Variants in CEP63 observed in about 807,000 individuals in gnomAD.
CEP63 encodes centrosomal protein of 63 kDa.
Under a neutral mutation model 89.1 loss-of-function variants are expected in CEP63, and 84 were observed. That is an observed-to-expected ratio of 0.94 (90% CI 0.79 to 1.13). The LOEUF (loss-of-function observed/expected upper bound fraction) is 1.13, where lower values mean the gene tolerates loss of function less well. Ranked by LOEUF, CEP63 falls within the 50% of genes most tolerant of loss-of-function variation. The pLI is 0.00. For missense variants in CEP63, 838 were observed against 813.3 expected, an observed-to-expected ratio of 1.03 and a Z score of -0.37; for synonymous variants, 267 against 272.5, an observed-to-expected ratio of 0.98 and a Z score of 0.20.
At chr3:134,745,804 A>T in the CEP63 span, among the ~76,000 whole-genome samples, 1 of 150,200 alleles carries the variant, frequency 6.7e-6, no homozygotes. Context: ...TGTCCTTGTG[A>T]GTTTGCTCAG....
At chr3:134,650,924 C>A in the CEP63 span, 1 of 1,613,326 alleles carries the variant, frequency 6.2e-7, no homozygotes, top group East Asian at 2.2e-5. Context: ...AGCAGCATGT[C>A]GATAGATACA....
the CEP63 span, among the ~76,000 whole-genome samples, chr3:134,602,344 C>T: frequency 6.6e-6 from 1 of 152,156 alleles, no homozygotes; most frequent in East Asian, 1.9e-4. Flanking sequence ...GCAGCTGAGG[C>T]CTCTCAGTCT....
chr3:134,495,114 C>T (rs919791201), intron 1 of CEP63, among the ~76,000 whole-genome samples, 182 bp from the exon 2 acceptor site: 1 of 152,088 alleles, frequency 6.6e-6, no homozygotes, highest in Non-Finnish European at 1.5e-5. Context: ...TGTTTTAGTC[C>T]GAAATAGTTT....
intron 2 of CEP63, among the ~76,000 whole-genome samples, chr3:134,501,209 TACC>T (rs1941898232): frequency 6.6e-6 from 1 of 152,238 alleles, no homozygotes; most frequent in Non-Finnish European, 1.5e-5. Flanking sequence ...TCCATTTTTG[TACC>T]AGTATCATGC....
the CEP63 span, among the ~76,000 whole-genome samples, chr3:134,767,031 AC>A: frequency 2.6e-5 from 4 of 151,940 alleles, no homozygotes; most frequent in African/African-American, 9.7e-5. Context: ...TACTCACCCC[AC>A]CCACACAGAC....
the CEP63 span, chr3:134,650,710 T>A: frequency 1.0e-6 from 1 of 967,230 alleles, no homozygotes; most frequent in Non-Finnish European, 1.5e-6. Flanking sequence ...GGGGAGAGGG[T>A]CGGGTTCGCT....
the CEP63 span, among the ~76,000 whole-genome samples, chr3:134,702,552 A>G: frequency 5.9e-5 from 9 of 152,186 alleles, no homozygotes; most frequent in South Asian, 6.2e-4. Context: ...CAGATTAGAG[A>G]ACCCAGAAAT....
intron 10 of CEP63, among the ~76,000 whole-genome samples, chr3:134,581,732 G>C (rs7426800): frequency 0.66 from 81,082 of 122,934 alleles, 27,326 homozygotes; most frequent in East Asian, 0.82. Flanking sequence ...CTGGAGTGCA[G>C]TGGCGCGATC....
chr3:134,592,113 C>T (rs146324829), downstream of CEP63, among the ~76,000 whole-genome samples: 6 of 152,240 alleles, frequency 3.9e-5, no homozygotes, highest in African/African-American at 1.4e-4. Flanking sequence ...GCTGCAAAAT[C>T]CTCACAGGAG....
At chr3:134,496,938 G>C (rs1382795714) in intron 2 of CEP63, among the ~76,000 whole-genome samples, 2 of 152,088 alleles carry the variant, frequency 1.3e-5, no homozygotes, top group Non-Finnish European at 2.9e-5. Flanking sequence ...CCCAGCATTT[G>C]TTATATTTTG....
chr3:134,593,424 A>C, the CEP63 span, among the ~76,000 whole-genome samples: 3 of 152,196 alleles, frequency 2.0e-5, no homozygotes, highest in African/African-American at 7.2e-5. Flanking sequence ...ATGAGGAAAC[A>C]AAAACAGGGA....
At chr3:134,581,707 G>A (rs1958354091) in intron 10 of CEP63, among the ~76,000 whole-genome samples, 1 of 98,516 alleles carries the variant, frequency 1.0e-5, no homozygotes, top group African/African-American at 4.3e-5. Flanking sequence ...ACGGAGTCTC[G>A]CTCTGTTGCC....
the CEP63 span, among the ~76,000 whole-genome samples, chr3:134,686,954 A>G: frequency 6.6e-6 from 1 of 152,210 alleles, no homozygotes; most frequent in East Asian, 1.9e-4. Flanking sequence ...TCCCTCCTCC[A>G]TGCAGAGTCT....
chr3:134,661,501 T>C, the CEP63 span, among the ~76,000 whole-genome samples: 1 of 152,214 alleles, frequency 6.6e-6, no homozygotes, highest in Admixed American at 6.5e-5. Context: ...ATCTCTCTCA[T>C]GTAGTTGACC....
intron 10 of CEP63, among the ~76,000 whole-genome samples, chr3:134,582,573 C>G (rs1343006478): frequency 6.6e-6 from 1 of 152,198 alleles, no homozygotes; most frequent in Admixed American, 6.5e-5. Flanking sequence ...TTAATCCAGT[C>G]TATCATTGAT....
At chr3:134,521,594 T>C (rs1228170938) in intron 3 of CEP63, among the ~76,000 whole-genome samples, 1 of 152,210 alleles carries the variant, frequency 6.6e-6, no homozygotes, top group Non-Finnish European at 1.5e-5. Flanking sequence ...TTCTTTTATA[T>C]TAATATATTC....
the CEP63 span, among the ~76,000 whole-genome samples, chr3:134,781,568 G>T: frequency 1.3e-5 from 2 of 151,136 alleles, no homozygotes; most frequent in South Asian, 4.1e-4. Context: ...CTCACTACCT[G>T]GGTGATGGAT....
At chr3:134,570,844 G>T (rs1435849560) in intron 11 of CEP63, among the ~76,000 whole-genome samples, 2 of 152,194 alleles carry the variant, frequency 1.3e-5, no homozygotes, top group Non-Finnish European at 2.9e-5. Context: ...GTTCCACTTG[G>T]CTGGGAAAGC....
At chr3:134,490,847 T>C (rs1937375656) in intron 1 of CEP63, among the ~76,000 whole-genome samples, 1 of 152,340 alleles carries the variant, frequency 6.6e-6, no homozygotes. Context: ...GTATACTGTT[T>C]TCCATCTTGG....
Sources: gnomAD v4.1 joint callset for allele counts (sites outside exome capture counted in the v4.1 genomes callset) on GRCh38, gnomAD v4.1.1 for gene constraint, MANE v1.5 for transcripts, NCBI Gene and HGNC (gene_info 2026-07-23, HGNC 2026-07-21) for gene names.